The following AKR1C8 variants were observed in gnomAD, a reference collection of about 807,000 sequenced individuals.
AKR1C8 encodes the protein aldo-keto reductase family 1 member C8, also known as aldo-keto reductase family 1 member C-like protein 1.
the AKR1C8 span, among the ~76,000 whole-genome samples, chr10:5,146,566 T>G: frequency 6.6e-6 from 1 of 152,126 alleles, no homozygotes; most frequent in Non-Finnish European, 1.5e-5. Flanking sequence ...TGCAGATGCA[T>G]AAACTATCCA....
chr10:5,130,284 G>T, the AKR1C8 span, among the ~76,000 whole-genome samples: 1 of 151,854 alleles, frequency 6.6e-6, no homozygotes, highest in Non-Finnish European at 1.5e-5. Flanking sequence ...AATAATAAAA[G>T]CCATATATGA....
At chr10:5,136,704 T>A in the AKR1C8 span, among the ~76,000 whole-genome samples, 6 of 152,214 alleles carry the variant, frequency 3.9e-5, no homozygotes, top group Non-Finnish European at 7.3e-5. Flanking sequence ...ATTTGCAGAA[T>A]GGGTTTTAAA....
At chr10:5,175,832 T>C in the AKR1C8 span, among the ~76,000 whole-genome samples, 1 of 150,188 alleles carries the variant, frequency 6.7e-6, no homozygotes, top group Non-Finnish European at 1.5e-5. Context: ...TTGTTTGTTT[T>C]TTTCTTGTAA....
the AKR1C8 span, among the ~76,000 whole-genome samples, chr10:5,150,432 G>T: frequency 6.6e-6 from 1 of 151,804 alleles, no homozygotes; most frequent in African/African-American, 2.4e-5. Context: ...CAGAATTATA[G>T]AAATCTCATA....
At chr10:5,140,667 G>C in the AKR1C8 span, among the ~76,000 whole-genome samples, 12,972 of 151,864 alleles carry the variant, frequency 0.085, 670 homozygotes, top group Admixed American at 0.13. Flanking sequence ...GGTTGGGGGA[G>C]GGATAGCATT....
the AKR1C8 span, among the ~76,000 whole-genome samples, chr10:5,157,075 C>T: frequency 6.6e-6 from 1 of 152,234 alleles, no homozygotes; most frequent in East Asian, 1.9e-4. Flanking sequence ...AGAGTCACTG[C>T]CAGGGGAAGG....
chr10:5,170,748 G>T, the AKR1C8 span, among the ~76,000 whole-genome samples: 1 of 152,102 alleles, frequency 6.6e-6, no homozygotes, highest in Non-Finnish European at 1.5e-5. Context: ...TTAAAGGAAA[G>T]CACACCATTC....
At chr10:5,125,838 C>A in the AKR1C8 span, among the ~76,000 whole-genome samples, 1 of 152,170 alleles carries the variant, frequency 6.6e-6, no homozygotes, top group Admixed American at 6.5e-5. Context: ...GGATCCCTTG[C>A]CAATATTCCC....
At chr10:5,170,611 C>T in the AKR1C8 span, among the ~76,000 whole-genome samples, 1 of 152,046 alleles carries the variant, frequency 6.6e-6, no homozygotes, top group Non-Finnish European at 1.5e-5. Context: ...CTTAGGGTTC[C>T]TGGCCTGCTA....
chr10:5,163,060 CAAAG>C, the AKR1C8 span: 1 of 482,956 alleles, frequency 2.1e-6, no homozygotes, highest in South Asian at 1.5e-5. Flanking sequence ...CTGCCCAACT[CAAAG>C]AAAATCAATG....
At chr10:5,145,459 C>T in the AKR1C8 span, among the ~76,000 whole-genome samples, 1 of 151,882 alleles carries the variant, frequency 6.6e-6, no homozygotes, top group Non-Finnish European at 1.5e-5. Context: ...TGATAAAGGG[C>T]TAATATCCAG....
At chr10:5,127,989 T>C in the AKR1C8 span, among the ~76,000 whole-genome samples, 1 of 152,028 alleles carries the variant, frequency 6.6e-6, no homozygotes, top group African/African-American at 2.4e-5. Flanking sequence ...CATGAGTCTA[T>C]CTAAAGTCAA....
At chr10:5,121,440 T>TACTGGAC in the AKR1C8 span, among the ~76,000 whole-genome samples, 1 of 152,190 alleles carries the variant, frequency 6.6e-6, no homozygotes, top group Non-Finnish European at 1.5e-5. Flanking sequence ...TCATTTATCA[T>TACTGGAC]TCAGGTTGGT....
the AKR1C8 span, among the ~76,000 whole-genome samples, chr10:5,138,544 C>T: frequency 0.21 from 32,518 of 152,108 alleles, 3,605 homozygotes; most frequent in Middle Eastern, 0.36. Flanking sequence ...TCAATGTGTA[C>T]ACTTAACAGA....
chr10:5,149,962 G>T, the AKR1C8 span, among the ~76,000 whole-genome samples: 1 of 142,950 alleles, frequency 7.0e-6, no homozygotes, highest in Non-Finnish European at 1.5e-5. Flanking sequence ...AAAGAATAAA[G>T]TCTTCTGGAC....
At chr10:5,165,962 T>C in the AKR1C8 span, among the ~76,000 whole-genome samples, 1 of 152,116 alleles carries the variant, frequency 6.6e-6, no homozygotes, top group African/African-American at 2.4e-5. Context: ...CTTGCATCCA[T>C]GGGTGACTCC....
At chr10:5,121,941 A>T in the AKR1C8 span, 1 of 183,708 alleles carries the variant, frequency 5.4e-6, no homozygotes, top group African/African-American at 2.4e-5. Flanking sequence ...CGTGGAGGAA[A>T]CCTATGGTCT....
chr10:5,166,585 AT>A, the AKR1C8 span, among the ~76,000 whole-genome samples: 1 of 152,218 alleles, frequency 6.6e-6, no homozygotes, highest in African/African-American at 2.4e-5. Flanking sequence ...GGCTAGCCAT[AT>A]GTAGAAAGCT....
chr10:5,165,732 G>A, the AKR1C8 span, among the ~76,000 whole-genome samples: 1 of 151,982 alleles, frequency 6.6e-6, no homozygotes, highest in Non-Finnish European at 1.5e-5. Context: ...GCTTTACCAG[G>A]GCCATAGCTT....
Sources: allele counts gnomAD v4.1 joint callset (sites outside exome capture counted in the v4.1 genomes callset), GRCh38; gene constraint gnomAD v4.1.1; transcripts MANE v1.5; gene names NCBI Gene and HGNC (gene_info 2026-07-23, HGNC 2026-07-21).